GABPA: variants seen among roughly 807,000 people sequenced by gnomAD.
GABPA encodes GA-binding protein alpha chain.
A neutral mutation model predicts 59.4 loss-of-function variants in GABPA; 4 were observed. That is an observed-to-expected ratio of 0.07 (90% confidence interval 0.03 to 0.15). GABPA has a LOEUF of 0.15. Ranked by LOEUF, GABPA falls within the 10% of genes least tolerant of loss-of-function variation. The probability of loss-of-function intolerance (pLI) is 1.00; values close to 1 mark genes in which losing one functional copy is unlikely to be tolerated. For missense variants in GABPA, 251 were observed against 543.8 expected (o/e 0.46, Z 5.36); for synonymous variants, 164 against 183.1 (o/e 0.90, Z 0.84).
chr21:25,764,519 G>A (rs559717238), intron 8 of GABPA, 76 bp from the exon 9 acceptor site: 69 of 1,471,184 alleles, frequency 4.7e-5, no homozygotes, highest in East Asian at 6.9e-5. Context: ...TTTAAACCAC[G>A]GGACCAGTTT....
intron 2 of GABPA, 102 bp from the exon 3 acceptor site, chr21:25,745,108 C>A: frequency 1.5e-6 from 2 of 1,298,384 alleles, no homozygotes; most frequent in Non-Finnish European, 2.2e-6. Context: ...TTTTCAAAGA[C>A]CAGAAATGTG....
rs201420702 is a variant in GABPA at position 25,745,279 on chromosome 21, C to G, written c.147C>G (p.Gly49=). Residue 49 remains glycine (G), a synonymous_variant, in exon 3 of 10, where the codon GGC becomes GGG. Coordinates refer to ENST00000400075, the MANE Select transcript of GABPA (RefSeq NM_002040.4). ...SQAIDINEPI[G]NLKKLLEPRL... Reference sequence around the variant, plus strand: ...CCATAGACATCAATGAACCAATAGGCAATTTAAAGAAACTGCTAGAACCAA... The same window carrying G: ...CCATAGACATCAATGAACCAATAGGGAATTTAAAGAAACTGCTAGAACCAA... 11 of 1,613,520 alleles carry G rather than the reference C, an allele frequency of 6.8e-6. No homozygotes were observed. The highest frequency in any genetic ancestry group is 2.5e-6 in the Non-Finnish European group (3 of 1,179,590).
chr21:25,750,952 G>A (rs1451691451), intron 4 of GABPA, among the ~76,000 whole-genome samples: 1 of 152,150 alleles, frequency 6.6e-6, no homozygotes, highest in African/African-American at 2.4e-5. Context: ...GAGAATGATA[G>A]TAGTAGTTTC....
Position 25,745,246 on chromosome 21 carries a change from A to G in GABPA, c.114A>G (p.Val38=). 1 of 1,613,992 alleles carries G rather than the reference A, an allele frequency of 6.2e-7. No homozygotes were observed. Among genetic ancestry groups the G allele is most frequent in the Non-Finnish European group, 8.5e-7 (1 of 1,179,948 alleles). Residue 38 remains valine, a synonymous_variant, in exon 3 of 10, where the codon GTA becomes GTG. Coordinates refer to ENST00000400075, the MANE Select transcript of GABPA (RefSeq NM_002040.4). ...AAACCTACGCGCCAGCTGAATGTGT[A>G]AGCCAGGCCATAGACATCAATGAAC... is the stretch of plus-strand genomic sequence containing the variant. ...VEQTYAPAEC[V]SQAIDINEPI...
chr21:25,739,888 G>A (rs940935892), intron 1 of GABPA, among the ~76,000 whole-genome samples: 1 of 152,146 alleles, frequency 6.6e-6, no homozygotes, highest in Non-Finnish European at 1.5e-5. Context: ...AGAGTATTAG[G>A]ATTACAGGCA....
chr21:25,745,166 G>C, intron 2 of GABPA, 44 bp from the exon 3 acceptor site: 1 of 1,596,782 alleles, frequency 6.3e-7, no homozygotes, highest in East Asian at 2.2e-5. Flanking sequence ...TTGAAATCCA[G>C]GGTAAAAAAT....
chr21:25,753,012 C>G (rs890130348), intron 5 of GABPA, among the ~76,000 whole-genome samples: 6 of 152,120 alleles, frequency 3.9e-5, no homozygotes, highest in Non-Finnish European at 7.4e-5. Context: ...AAGTATTGAT[C>G]TAACTTCTCA....
chr21:25,752,279 A>C, intron 5 of GABPA, 45 bp downstream of exon 5: 1 of 1,583,930 alleles, frequency 6.3e-7, no homozygotes, highest in Non-Finnish European at 8.6e-7. Flanking sequence ...AATAGGAATT[A>C]AGCTTGACAT....
intron 5 of GABPA, among the ~76,000 whole-genome samples, chr21:25,754,236 A>T (rs2035580612): frequency 6.6e-6 from 1 of 152,224 alleles, no homozygotes; most frequent in South Asian, 2.1e-4. Flanking sequence ...GTATTTGACC[A>T]ACTTTTTAAA....
chr21:25,741,189 G>A (rs907059451), intron 1 of GABPA, among the ~76,000 whole-genome samples: 2 of 151,988 alleles, frequency 1.3e-5, no homozygotes, highest in South Asian at 4.2e-4. Context: ...GTGCAGTGGT[G>A]CGATCATGGC....
At position 25,769,697 on chromosome 21, in the gene GABPA, C is replaced by T. The variant is rs2035972339; in HGVS notation, c.*465C>T. On this transcript the variant is annotated 3_prime_UTR_variant, in exon 10 of 10. Transcript: ENST00000400075. ...AATTTCTCAGCTAAAGCATGTGTGC[C>T]TGTTTCATCTAATCAAGCAGAGCTA... 1 of 153,704 alleles carries T rather than the reference C, an allele frequency of 6.5e-6. No individual in the cohort carries two copies. Among genetic ancestry groups the T allele is most frequent in the South Asian group, 2.0e-4 (1 of 4,924 alleles). The allele number at this position is 153,704 out of a possible 1,614,324, so 9.5% of individuals were successfully genotyped here.
At position 25,763,741 on chromosome 21, in the gene GABPA, ACAT is replaced by A. The variant is rs942703272; in HGVS notation, c.803-465_803-463del. Among the ~76,000 whole-genome samples, 38 of 152,246 alleles carry A rather than the reference ACAT, an allele frequency of 2.5e-4. 1 individual carries two copies. Among genetic ancestry groups the A allele is most frequent in the South Asian group, 8.3e-4 (4 of 4,824 alleles). ...GCTGTATCTTTTAAATGCTGTGAAAACATCATTGAATGAATATTTGTAAGAACA... is the reference window on the plus strand; with the variant it reads ...GCTGTATCTTTTAAATGCTGTGAAAACATTGAATGAATATTTGTAAGAACA... On this transcript the variant is annotated intron_variant, in intron 7 of 9. Coordinates refer to ENST00000400075, the MANE Select transcript of GABPA (RefSeq NM_002040.4).
intron 6 of GABPA, among the ~76,000 whole-genome samples, chr21:25,760,579 A>G (rs2035741987): frequency 6.6e-6 from 1 of 151,814 alleles, no homozygotes; most frequent in South Asian, 2.1e-4. Flanking sequence ...GAAATGTCCC[A>G]GTACTACCAG....
intron 1 of GABPA, among the ~76,000 whole-genome samples, chr21:25,739,996 C>T (rs2035178873): frequency 6.6e-6 from 1 of 152,176 alleles, no homozygotes; most frequent in South Asian, 2.1e-4. Flanking sequence ...AGAGTGGACA[C>T]AGGGACCCCC....
At position 25,735,016 on chromosome 21, in the gene GABPA, T is replaced by G; in HGVS notation, c.-589T>G. The G allele has an allele frequency of 6.5e-7, 1 of 1,529,008 alleles. No individual in the cohort carries two copies. The highest frequency in any genetic ancestry group is 1.4e-5 in the African/African-American group (1 of 72,810). The allele number at this position is 1,529,008 out of a possible 1,614,324, so 94.7% of individuals were successfully genotyped here. The stretch of plus-strand genomic sequence containing the variant: ...GACAGGAAGCGTCTCGGAGACAGTC[T>G]GCGACCGGACGGGTCTAGGTGAGAC... On this transcript the variant is annotated 5_prime_UTR_variant, in exon 1 of 10. Coordinates refer to ENST00000400075, the MANE Select transcript of GABPA (RefSeq NM_002040.4).
At position 25,735,050 on chromosome 21, in the gene GABPA, A is replaced by AC. The variant is rs1353297029; in HGVS notation, c.-555_-554insC. 2 of 1,314,556 alleles carry AC rather than the reference A, an allele frequency of 1.5e-6. No individual in the cohort carries two copies. The highest frequency in any genetic ancestry group is 4.0e-5 in the Admixed American group (2 of 50,600). The allele number at this position is 1,314,556 out of a possible 1,614,324, so 81.4% of individuals were successfully genotyped here. A position where few individuals can be genotyped will look rare whatever the true frequency, so the allele number is the denominator to read the frequency against. The stretch of plus-strand genomic sequence containing the variant: ...ACGGGTCTAGGTGAGACAGAAGCCA[A>AC]ACAGGAGGAGGAAGTGGAGGGTAAG... On this transcript the variant is annotated 5_prime_UTR_variant, in exon 1 of 10. Transcript: ENST00000400075.
chr21:25,762,601 ACAT>A (rs1203056876), intron 7 of GABPA, among the ~76,000 whole-genome samples: 1 of 152,214 alleles, frequency 6.6e-6, no homozygotes, highest in Non-Finnish European at 1.5e-5. Flanking sequence ...ATTTGTTAGG[ACAT>A]CATTTGTTTC....
chr21:25,749,847 A>T (rs918700593), intron 4 of GABPA, among the ~76,000 whole-genome samples: 9 of 152,076 alleles, frequency 5.9e-5, no homozygotes, highest in Admixed American at 1.3e-4. Context: ...GTCAATCAAT[A>T]AAAAAATAGA....
Position 25,735,050 on chromosome 21 carries a change from A to T in GABPA, c.-555A>T. On this transcript the variant is annotated 5_prime_UTR_variant, in exon 1 of 10. Transcript: ENST00000400075. ...ACGGGTCTAGGTGAGACAGAAGCCA[A>T]ACAGGAGGAGGAAGTGGAGGGTAAG... The T allele has an allele frequency of 7.6e-7, 1 of 1,314,674 alleles. No individual in the cohort carries two copies. Among genetic ancestry groups the T allele is most frequent in the Non-Finnish European group, 1.1e-6 (1 of 941,118 alleles). 81.4% of individuals were successfully genotyped at this position (1,314,674 alleles called of 1,614,324 possible).
Sources: allele counts gnomAD v4.1 joint callset (sites outside exome capture counted in the v4.1 genomes callset), GRCh38; gene constraint gnomAD v4.1.1; transcripts MANE v1.5; gene names NCBI Gene and HGNC (gene_info 2026-07-23, HGNC 2026-07-21).